The following NCKAP5 variants were observed in gnomAD, a reference collection of about 807,000 sequenced individuals.
NCKAP5 encodes nck-associated protein 5.
Under a neutral mutation model 167.0 loss-of-function variants are expected in NCKAP5, and 92 were observed. That is an observed-to-expected ratio of 0.55 (90% CI 0.47 to 0.66). The LOEUF is 0.66. Ranked by LOEUF, NCKAP5 falls within the 30% of genes least tolerant of loss-of-function variation. The pLI is 0.00. For synonymous variants in NCKAP5, 891 were observed against 877.4 expected (o/e 1.02, Z -0.27); for missense variants, 2,378 against 2,315.0 (o/e 1.03, Z -0.56).
chr2:133,526,164 T>TGAGG (rs1157694069), intron 2 of NCKAP5, among the ~76,000 whole-genome samples: 3 of 94,870 alleles, frequency 3.2e-5, no homozygotes, highest in African/African-American at 1.2e-4. Context: ...AGAAAGGGAA[T>TGAGG]GAGGAAGGAA....
At chr2:133,577,464 T>A in the NCKAP5 span, among the ~76,000 whole-genome samples, 2 of 152,184 alleles carry the variant, frequency 1.3e-5, no homozygotes, top group Non-Finnish European at 2.9e-5. Context: ...TACCATTATT[T>A]CCCTGTTCTC....
intron 3 of NCKAP5, among the ~76,000 whole-genome samples, chr2:133,426,551 A>G (rs1265114312): frequency 2.0e-5 from 3 of 152,176 alleles, no homozygotes; most frequent in Non-Finnish European, 4.4e-5. Flanking sequence ...CTGCAGGCTA[A>G]TATCTCTGAT....
intron 3 of NCKAP5, among the ~76,000 whole-genome samples, chr2:133,450,591 T>G (rs1195542292): frequency 1.3e-5 from 2 of 152,246 alleles, no homozygotes; most frequent in African/African-American, 4.8e-5. Context: ...TTAAATCATT[T>G]AAAAATATAT....
At chr2:132,761,050 C>T (rs73957661) in intron 16 of NCKAP5, among the ~76,000 whole-genome samples, 1 of 113,454 alleles carries the variant, frequency 8.8e-6, no homozygotes, top group African/African-American at 3.8e-5. Flanking sequence ...TCTTTTTTCC[C>T]CCTCTTTTTT....
chr2:133,503,089 T>C (rs11886344), intron 3 of NCKAP5, among the ~76,000 whole-genome samples: 3,594 of 152,300 alleles, frequency 0.024, 143 homozygotes, highest in African/African-American at 0.082. Flanking sequence ...AGAGTGTGTA[T>C]GGTTTATCCA....
intron 8 of NCKAP5, among the ~76,000 whole-genome samples, chr2:132,949,049 G>GAAAAGAAAAGA (rs112801568): frequency 2.3e-5 from 3 of 131,854 alleles, no homozygotes; most frequent in Admixed American, 2.2e-4. Context: ...GAAAAGAAAA[G>GAAAAGAAAAGA]AAACATGGTG....
chr2:133,350,161 C>T (rs1000125090), intron 3 of NCKAP5, among the ~76,000 whole-genome samples: 3 of 152,110 alleles, frequency 2.0e-5, no homozygotes, highest in African/African-American at 7.2e-5. Flanking sequence ...CCTATGGTTC[C>T]AGAACTTTGG....
chr2:133,201,573 G>C (rs1277852626), intron 5 of NCKAP5, among the ~76,000 whole-genome samples: 1 of 152,136 alleles, frequency 6.6e-6, no homozygotes, highest in East Asian at 1.9e-4. Flanking sequence ...TGGCTGACAA[G>C]AGTTAAAAGA....
chr2:133,614,347 C>T, the NCKAP5 span, among the ~76,000 whole-genome samples: 1 of 152,126 alleles, frequency 6.6e-6, no homozygotes, highest in African/African-American at 2.4e-5. Flanking sequence ...GATCAAATTA[C>T]TCCGAGCTAC....
At chr2:133,606,586 T>C in the NCKAP5 span, among the ~76,000 whole-genome samples, 1 of 152,126 alleles carries the variant, frequency 6.6e-6, no homozygotes, top group Non-Finnish European at 1.5e-5. Flanking sequence ...GTTCTCAAAC[T>C]CTAGGATGTA....
intron 19 of NCKAP5, among the ~76,000 whole-genome samples, chr2:132,674,154 T>A (rs778772503): frequency 1.9e-4 from 29 of 152,198 alleles, no homozygotes; most frequent in Non-Finnish European, 3.8e-4. Context: ...TTTCTCATCT[T>A]CTTTTCCTCT....
At chr2:133,117,963 T>G (rs548363499) in intron 6 of NCKAP5, 1 of 152,306 alleles carries the variant, frequency 6.6e-6, no homozygotes, top group Admixed American at 6.5e-5. Flanking sequence ...TCCGGCAACA[T>G]GCATTGTGAG....
intron 16 of NCKAP5, among the ~76,000 whole-genome samples, chr2:132,737,627 A>C (rs902373965): frequency 6.6e-6 from 1 of 151,876 alleles, no homozygotes; most frequent in African/African-American, 2.4e-5. Context: ...GCTGCTCCCT[A>C]CTCCCAGCTG....
intron 2 of NCKAP5, among the ~76,000 whole-genome samples, chr2:133,555,040 A>G (rs779098035): frequency 2.0e-5 from 3 of 152,178 alleles, no homozygotes; most frequent in Non-Finnish European, 2.9e-5. Context: ...TCCCCGGGAC[A>G]TCTTAAGGGC....
chr2:133,044,472 T>C (rs1172014529), intron 6 of NCKAP5, among the ~76,000 whole-genome samples: 2 of 152,158 alleles, frequency 1.3e-5, no homozygotes, highest in Admixed American at 1.3e-4. Flanking sequence ...CATAAACATG[T>C]AATAAGATGG....
the NCKAP5 span, among the ~76,000 whole-genome samples, chr2:133,631,212 C>T: frequency 6.6e-6 from 1 of 152,056 alleles, no homozygotes; most frequent in Admixed American, 6.6e-5. Flanking sequence ...TGGGTTATAT[C>T]ACAAATGGAG....
chr2:133,429,674 C>T (rs1002951313), intron 3 of NCKAP5, among the ~76,000 whole-genome samples: 4 of 144,628 alleles, frequency 2.8e-5, no homozygotes, highest in African/African-American at 1.0e-4. Context: ...CATAGTATTC[C>T]ACGGTGTTTA....
intron 19 of NCKAP5, among the ~76,000 whole-genome samples, chr2:132,714,276 C>A (rs1689144199): frequency 6.6e-6 from 1 of 152,150 alleles, no homozygotes; most frequent in Non-Finnish European, 1.5e-5. Flanking sequence ...TTATTTTAGT[C>A]AATAGTTTTT....
At chr2:132,853,427 G>T (rs1164972383) in intron 11 of NCKAP5, among the ~76,000 whole-genome samples, 1 of 152,310 alleles carries the variant, frequency 6.6e-6, no homozygotes, top group Middle Eastern at 3.4e-3. Flanking sequence ...CTCCGAGCAT[G>T]AGAGTTTTCA....
Sources: gnomAD v4.1 joint callset for allele counts (sites outside exome capture counted in the v4.1 genomes callset) on GRCh38, gnomAD v4.1.1 for gene constraint, MANE v1.5 for transcripts, NCBI Gene and HGNC (gene_info 2026-07-23, HGNC 2026-07-21) for gene names.